The following IGF1R variants were observed in gnomAD, a reference collection of about 807,000 sequenced individuals.
IGF1R encodes insulin like growth factor 1 receptor.
A neutral mutation model predicts 144.6 loss-of-function variants in IGF1R; 44 were observed. That is an observed-to-expected ratio of 0.30 (90% CI 0.24 to 0.39). The LOEUF (loss-of-function observed/expected upper bound fraction) is 0.39, where lower values mean the gene tolerates loss of function less well. IGF1R is among the 10% of genes least tolerant of loss of function. IGF1R has a pLI of 1.00. For synonymous variants in IGF1R, 795 were observed against 722.8 expected, an observed-to-expected ratio of 1.10 and a Z score of -1.60; for missense variants, 1,355 against 1,833.7, an observed-to-expected ratio of 0.74 and a Z score of 4.77.
chr15:98,725,478 C>T (rs1320686284), intron 2 of IGF1R, among the ~76,000 whole-genome samples: 2 of 152,152 alleles, frequency 1.3e-5, no homozygotes, highest in African/African-American at 4.8e-5. Context: ...ACCCCAGTTC[C>T]TCCCACAGTG....
At chr15:98,698,617 G>C (rs1445405437) in intron 1 of IGF1R, among the ~76,000 whole-genome samples, 1 of 152,212 alleles carries the variant, frequency 6.6e-6, no homozygotes, top group African/African-American at 2.4e-5. Flanking sequence ...TTGCATGTGA[G>C]AGGATTTCCT....
At chr15:98,954,760 G>A (rs914953026) in intron 20 of IGF1R, among the ~76,000 whole-genome samples, 1 of 152,166 alleles carries the variant, frequency 6.6e-6, no homozygotes, top group African/African-American at 2.4e-5. Context: ...ATTTCATGTC[G>A]TTATGGCCTA....
chr15:98,947,759 C>T (rs1421008035), intron 19 of IGF1R, among the ~76,000 whole-genome samples: 1 of 152,206 alleles, frequency 6.6e-6, no homozygotes, highest in Admixed American at 6.5e-5. Flanking sequence ...AACTTCTCTG[C>T]TTAAGGATTC....
chr15:98,949,893 C>T (rs2016707511), intron 20 of IGF1R, among the ~76,000 whole-genome samples: 1 of 152,130 alleles, frequency 6.6e-6, no homozygotes, highest in Non-Finnish European at 1.5e-5. Context: ...CCTTGTTGTC[C>T]TTCCTGGAAT....
chr15:98,895,747 G>C (rs755662001), intron 3 of IGF1R, among the ~76,000 whole-genome samples: 6 of 152,208 alleles, frequency 3.9e-5, no homozygotes, highest in Non-Finnish European at 7.3e-5. Flanking sequence ...TTAATAAAAA[G>C]AGCTATAATT....
chr15:98,786,996 G>A (rs10902607), intron 2 of IGF1R, among the ~76,000 whole-genome samples: 131,697 of 152,172 alleles, frequency 0.87, 58,756 homozygotes, highest in Non-Finnish European at 0.97. Flanking sequence ...TTTCTGGTTG[G>A]TGACGACATT....
chr15:98,951,491 T>G (rs1183603245), intron 20 of IGF1R, among the ~76,000 whole-genome samples: 2 of 152,254 alleles, frequency 1.3e-5, no homozygotes, highest in Non-Finnish European at 2.9e-5. Flanking sequence ...AACCTACTAG[T>G]TAAGAGCAAC....
Position 98,958,690 on chromosome 15 carries a change from C to T in IGF1R, c.*1248C>T, listed in dbSNP as rs967883438. ...TTTACGGTTCAGATATTCATCTATA[C>T]GTCTGTACAGAAAAAAAAAAGCTGC... On this transcript the variant is annotated 3_prime_UTR_variant, in exon 21 of 21. Transcript: ENST00000650285. 3.3e-5 allele frequency: 7 copies of T among 215,134 alleles called. No individual in the cohort carries two copies. The highest frequency in any genetic ancestry group is 6.6e-5 in the Admixed American group (1 of 15,266). The allele number at this position is 215,134 out of a possible 1,614,324, so 13.3% of individuals were successfully genotyped here.
At chr15:98,788,435 G>T (rs2056056402) in intron 2 of IGF1R, among the ~76,000 whole-genome samples, 1 of 152,154 alleles carries the variant, frequency 6.6e-6, no homozygotes, top group Non-Finnish European at 1.5e-5. Context: ...TAAGTCACAG[G>T]CTTCCTTCCT....
chr15:98,722,014 G>A (rs553771127), intron 2 of IGF1R, among the ~76,000 whole-genome samples: 3 of 152,252 alleles, frequency 2.0e-5, no homozygotes, highest in South Asian at 2.1e-4. Flanking sequence ...GTTATAAGTC[G>A]CACCTAGGTT....
At chr15:98,753,471 G>A (rs1223452760) in intron 2 of IGF1R, among the ~76,000 whole-genome samples, 3 of 143,768 alleles carry the variant, frequency 2.1e-5, no homozygotes, top group African/African-American at 5.2e-5. Context: ...GGCCTCAAGC[G>A]ATCCACCTGC....
chr15:98,940,525 T>C (rs1435949566), intron 18 of IGF1R, among the ~76,000 whole-genome samples: 1 of 152,208 alleles, frequency 6.6e-6, no homozygotes, highest in Admixed American at 6.5e-5. Flanking sequence ...TGCCTCAGCC[T>C]CCTGACTAGT....
chr15:98,728,255 C>T (rs891828679), intron 2 of IGF1R, among the ~76,000 whole-genome samples: 81 of 152,132 alleles, frequency 5.3e-4, no homozygotes, highest in African/African-American at 1.8e-3. Flanking sequence ...CTGTTGTTGC[C>T]GCTGGCCATC....
chr15:98,897,037 G>T (rs78387701), intron 4 of IGF1R, 132 bp downstream of exon 4: 6 of 795,686 alleles, frequency 7.5e-6, no homozygotes, highest in Non-Finnish European at 1.3e-5. Context: ...TAAGCCTCAC[G>T]CATGACGTCT....
At chr15:98,889,522 C>T (rs1167309767) in intron 2 of IGF1R, among the ~76,000 whole-genome samples, 21 of 152,196 alleles carry the variant, frequency 1.4e-4, no homozygotes, top group Non-Finnish European at 2.9e-4. Flanking sequence ...TAATTGGGGA[C>T]AGGTGTAACT....
intron 10 of IGF1R, among the ~76,000 whole-genome samples, chr15:98,917,193 A>AT (rs1431136259): frequency 1.4e-4 from 21 of 152,132 alleles, no homozygotes; most frequent in Non-Finnish European, 4.4e-5. Flanking sequence ...CTCAAAGAGT[A>AT]TTGACAGCTG....
chr15:98,725,836 A>G (rs2054345688), intron 2 of IGF1R, among the ~76,000 whole-genome samples: 1 of 152,158 alleles, frequency 6.6e-6, no homozygotes, highest in African/African-American at 2.4e-5. Context: ...GCAGCAAGAG[A>G]AAATGTGGAA....
chr15:98,695,264 A>G (rs1018526354), intron 1 of IGF1R, among the ~76,000 whole-genome samples: 3 of 152,170 alleles, frequency 2.0e-5, no homozygotes, highest in African/African-American at 7.2e-5. Context: ...AAAGCTTTTT[A>G]CGAGCTCCCT....
At chr15:98,699,730 GCACTCTGGTT>G (rs1351664984) in intron 1 of IGF1R, among the ~76,000 whole-genome samples, 4 of 152,258 alleles carry the variant, frequency 2.6e-5, no homozygotes, top group Middle Eastern at 3.4e-3. Flanking sequence ...GCTGTATGTA[GCACTCTGGTT>G]TTAACGTTCT....
Sources: gnomAD v4.1 joint callset for allele counts (sites outside exome capture counted in the v4.1 genomes callset) on GRCh38, gnomAD v4.1.1 for gene constraint, MANE v1.5 for transcripts, NCBI Gene and HGNC (gene_info 2026-07-23, HGNC 2026-07-21) for gene names.